COL4A3: variants seen among roughly 807,000 people sequenced by gnomAD.
COL4A3 encodes the protein collagen type IV alpha 3 chain.
A neutral mutation model predicts 217.4 loss-of-function variants in COL4A3; 135 were observed. The observed-to-expected ratio is 0.62, with a 90% CI of 0.54 to 0.72. The LOEUF (loss-of-function observed/expected upper bound fraction) is 0.72, where lower values mean the gene tolerates loss of function less well. COL4A3 is among the 30% of genes least tolerant of loss of function. COL4A3 has a pLI of 0.00. For missense variants in COL4A3, 1,868 were observed against 2,119.9 expected, an observed-to-expected ratio of 0.88 and a Z score of 2.33; for synonymous variants, 690 against 736.3, an observed-to-expected ratio of 0.94 and a Z score of 1.02.
rs934848140 is a variant in COL4A3 at position 227,244,246 on chromosome 2, G to A, written c.235-74G>A. On this transcript the variant is annotated intron_variant, in intron 3 of 51. Transcript: ENST00000396578. ...ACAGCTTGGCATGTGACTGAGACTG[G>A]GTTTGATGTATGGGTTTCTTAGTGC... 4.8e-6 allele frequency: 6 copies of A among 1,240,382 alleles called. No individual in the cohort carries two copies. The Admixed American group carries it at 5.1e-5, about 11-fold the overall frequency. 76.8% of individuals were successfully genotyped at this position (1,240,382 alleles called of 1,614,324 possible).
At chr2:227,218,179 C>T (rs1392815025) in intron 1 of COL4A3, among the ~76,000 whole-genome samples, 1 of 151,034 alleles carries the variant, frequency 6.6e-6, no homozygotes, top group African/African-American at 2.4e-5. Context: ...GAAAAAATGT[C>T]GTGTGGGCCG....
intron 1 of COL4A3, among the ~76,000 whole-genome samples, chr2:227,236,097 A>G (rs1443883604): frequency 6.6e-6 from 1 of 152,128 alleles, no homozygotes; most frequent in Non-Finnish European, 1.5e-5. Flanking sequence ...TTTATGGCTG[A>G]GTAGCATTCC....
At chr2:227,248,350 T>C in intron 8 of COL4A3, 93 bp from the exon 9 acceptor site, 1 of 824,538 alleles carries the variant, frequency 1.2e-6, no homozygotes, top group African/African-American at 1.7e-5. Context: ...AAAAGCATTT[T>C]TATCTTTGAA....
chr2:227,205,754 C>T (rs1197168308), intron 1 of COL4A3, among the ~76,000 whole-genome samples: 1 of 150,084 alleles, frequency 6.7e-6, no homozygotes, highest in Non-Finnish European at 1.5e-5. Flanking sequence ...CTCTCTTAAA[C>T]ATTTCCTGAG....
chr2:227,218,051 A>AGTC (rs372026108), intron 1 of COL4A3, among the ~76,000 whole-genome samples: 24 of 134,518 alleles, frequency 1.8e-4, no homozygotes, highest in Admixed American at 5.1e-4. Context: ...AACTATATTT[A>AGTC]ACTATATATA....
At chr2:227,296,887 C>T (rs1445027365) in intron 41 of COL4A3, among the ~76,000 whole-genome samples, 1 of 152,216 alleles carries the variant, frequency 6.6e-6, no homozygotes, top group Non-Finnish European at 1.5e-5. Context: ...GCACATCTAT[C>T]TTCCGTTTTC....
At chr2:227,300,310 T>G (rs923412726) in intron 43 of COL4A3, among the ~76,000 whole-genome samples, 3 of 152,216 alleles carry the variant, frequency 2.0e-5, no homozygotes, top group African/African-American at 7.2e-5. Context: ...CTAAAGCCCA[T>G]GGGCCTTTTC....
Position 227,310,826 on chromosome 2 carries a change from C to T in COL4A3, c.4806C>T (p.Gly1602=), listed in dbSNP as rs751303959. Residue 1602 remains glycine, a synonymous_variant, in exon 51 of 52, where the codon GGC becomes GGT. Transcript: ENST00000396578. ...CCGGGCAAGCACTGGCCTCCCCTGG[C>T]TCCTGCCTGGAAGAATTCCGAGCCA... ...EGTGQALASP[G]SCLEEFRASP... 1.2e-6 allele frequency: 2 copies of T among 1,614,202 alleles called. No homozygotes were observed. The highest frequency in any genetic ancestry group is 2.2e-5 in the East Asian group (1 of 44,884).
chr2:227,211,745 C>T (rs544516919), intron 1 of COL4A3, among the ~76,000 whole-genome samples: 131 of 152,180 alleles, frequency 8.6e-4, no homozygotes, highest in Non-Finnish European at 1.3e-3. Flanking sequence ...GCAACCTCCA[C>T]CTCCCAGGTT....
chr2:227,242,517 G>T (rs568717196), intron 3 of COL4A3, among the ~76,000 whole-genome samples: 1 of 152,136 alleles, frequency 6.6e-6, no homozygotes, highest in South Asian at 2.1e-4. Flanking sequence ...TCACTGAAGG[G>T]TGCAGCTGGA....
intron 5 of COL4A3, 22 bp downstream of exon 5, chr2:227,245,017 T>C: frequency 6.2e-7 from 1 of 1,608,640 alleles, no homozygotes; most frequent in Non-Finnish European, 8.5e-7. Context: ...GAAAAATCCG[T>C]AGCTAGAAAA....
At position 227,303,924 on chromosome 2, in the gene COL4A3, C is replaced by A; in HGVS notation, c.4021C>A (p.Pro1341Thr). The A allele has an allele frequency of 6.2e-7, 1 of 1,614,232 alleles. No individual in the cohort carries two copies. The highest frequency in any genetic ancestry group is 8.5e-7 in the Non-Finnish European group (1 of 1,180,042). ...TCCAGGACCAATTGGGCCAAAAGGACCACCTGGTAAATAAACGTCCTTACT... is the reference window on the plus strand; with the variant it reads ...TCCAGGACCAATTGGGCCAAAAGGAACACCTGGTAAATAAACGTCCTTACT... ...GPPGPIGPKG[P>T]PGVRGDPGTL... is the part of the protein sequence containing the mutation. Residue 1341 changes from proline (P) to threonine (T), a missense_variant, in exon 45 of 52, where the codon CCA becomes ACA. Around this residue, in one of 2 missense-constraint regions of COL4A3, gnomAD observed 1,503 missense variants for 1,786.1 expected, o/e 0.84. Coordinates refer to ENST00000396578, the MANE Select transcript of COL4A3 (RefSeq NM_000091.5).
intron 34 of COL4A3, among the ~76,000 whole-genome samples, chr2:227,285,802 A>G (rs1369134627): frequency 6.6e-6 from 1 of 152,228 alleles, no homozygotes; most frequent in Non-Finnish European, 1.5e-5. Context: ...CACCCTAAGT[A>G]CAGTATGCAT....
chr2:227,306,655 G>GA (rs1316190248), intron 47 of COL4A3, among the ~76,000 whole-genome samples: 1 of 151,978 alleles, frequency 6.6e-6, no homozygotes, highest in Non-Finnish European at 1.5e-5. Flanking sequence ...AGAGAAAATT[G>GA]AAAAAATGCA....
chr2:227,164,758 T>TGCTCCTGCTGCC lies in COL4A3; in HGVS notation c.43_54dup (p.Pro15_Leu18dup), dbSNP rs570469692. 5.9e-6 allele frequency: 9 copies of TGCTCCTGCTGCC among 1,524,606 alleles called. No homozygotes were observed. The highest frequency in any genetic ancestry group is 6.1e-6 in the Non-Finnish European group (7 of 1,143,136). The allele number at this position is 1,524,606 out of a possible 1,614,324, so 94.4% of individuals were successfully genotyped here. A position where few individuals can be genotyped will look rare whatever the true frequency, so the allele number is the denominator to read the frequency against. The stretch of plus-strand genomic sequence containing the variant: ...GCCCGGACCGCCCCCAGGCCGCAGG[T>TGCTCCTGCTGCC]GCTCCTGCTGCCGCTCCTGCTGGTG... On this transcript the variant is annotated inframe_insertion, in exon 1 of 52. Coordinates refer to ENST00000396578, the MANE Select transcript of COL4A3 (RefSeq NM_000091.5). The surrounding 1 kb of genome is among the most constrained non-coding windows in gnomAD (Gnocchi z 4.8).
In COL4A3 at chr2:227,308,826, G is replaced by A; in HGVS notation, c.4463-73G>A. 3 of 1,467,612 alleles carry A rather than the reference G, an allele frequency of 2.0e-6. No individual in the cohort carries two copies. The South Asian group carries it at 3.4e-5, about 17-fold the overall frequency. 90.9% of individuals were successfully genotyped at this position (1,467,612 alleles called of 1,614,324 possible). A position where few individuals can be genotyped will look rare whatever the true frequency, so the allele number is the denominator to read the frequency against. ...TTTGCTGCAGGTTACATTTAAATTA[G>A]CTTCTCTCTAGTAACGATGCTGAAA... On this transcript the variant is annotated intron_variant, in intron 48 of 51. Coordinates refer to ENST00000396578, the MANE Select transcript of COL4A3 (RefSeq NM_000091.5).
chr2:227,233,338 A>AG (rs2068512527), intron 1 of COL4A3, among the ~76,000 whole-genome samples: 1 of 151,830 alleles, frequency 6.6e-6, no homozygotes, highest in East Asian at 1.9e-4. Context: ...CCTGTTAAAA[A>AG]AAAAAAATTC....
At chr2:227,295,569 T>C (rs1337119475) in intron 41 of COL4A3, among the ~76,000 whole-genome samples, 1 of 152,242 alleles carries the variant, frequency 6.6e-6, no homozygotes, top group East Asian at 1.9e-4. Context: ...AAAAGGATTC[T>C]TCTGTATATG....
intron 1 of COL4A3, among the ~76,000 whole-genome samples, chr2:227,211,962 C>T (rs536006798): frequency 2.3e-4 from 35 of 152,184 alleles, no homozygotes; most frequent in South Asian, 1.9e-3. Context: ...CCACCGTGCC[C>T]GGCCAGACTT....
Sources: gnomAD v4.1 joint callset for allele counts (sites outside exome capture counted in the v4.1 genomes callset) on GRCh38, gnomAD v4.1.1 for gene constraint, gnomAD v4.1.1 regional missense constraint, Gnocchi (gnomAD v3.1) non-coding constraint, MANE v1.5 for transcripts, NCBI Gene and HGNC (gene_info 2026-07-23, HGNC 2026-07-21) for gene names.